The following RPA3 variants were observed in gnomAD, a reference collection of about 807,000 sequenced individuals.
The protein encoded by RPA3 is replication protein A3.
RPA3 carries 24 observed loss-of-function variants against 13.7 expected under a neutral mutation model. The observed-to-expected ratio is 1.75, with a 90% confidence interval of 1.27 to 2.46. RPA3 has a LOEUF of 2.46. Ranked by LOEUF, RPA3 falls within the 30% of genes most tolerant of loss-of-function variation. The pLI is 0.00. For missense variants in RPA3, 183 were observed against 151.0 expected (o/e 1.21, Z -1.11); for synonymous variants, 59 against 51.2 (o/e 1.15, Z -0.65).
chr7:7,710,412 A>G (rs1015301060), intron 2 of RPA3, among the ~76,000 whole-genome samples: 2 of 152,234 alleles, frequency 1.3e-5, no homozygotes, highest in Non-Finnish European at 2.9e-5. Context: ...GGCAAAAGAC[A>G]TGAAGAGACA....
intron 2 of RPA3, among the ~76,000 whole-genome samples, chr7:7,700,526 A>T (rs1446089041): frequency 6.6e-6 from 1 of 152,088 alleles, no homozygotes. Flanking sequence ...TAAGTTCTAG[A>T]CCATACTGGG....
chr7:7,694,221 T>C (rs28912710), intron 2 of RPA3, among the ~76,000 whole-genome samples: 11 of 152,176 alleles, frequency 7.2e-5, no homozygotes. Flanking sequence ...CTTGTACTTA[T>C]TGGTAACTTT....
At chr7:7,701,187 G>A (rs980438104) in intron 2 of RPA3, among the ~76,000 whole-genome samples, 2 of 152,164 alleles carry the variant, frequency 1.3e-5, no homozygotes, top group Admixed American at 1.3e-4. Context: ...GAGGAGGAAT[G>A]GAATCTATCA....
rs532938339 is a variant in RPA3 at position 7,711,441 on chromosome 7, C to T, written c.-1028+3734G>A. 2.6e-5 allele frequency among the ~76,000 whole-genome samples: 4 copies of T among 152,218 alleles called. No individual in the cohort carries two copies. In the East Asian group the frequency reaches 5.8e-4, roughly 22 times the overall value. On this transcript the variant is annotated intron_variant, in intron 2 of 7. Transcript: ENST00000223129. ...CCCAAGTGGTATATGAAAATTCTATCCTTTTCATATTATACTCTATCCTTT... is the reference window on the plus strand; with the variant it reads ...CCCAAGTGGTATATGAAAATTCTATTCTTTTCATATTATACTCTATCCTTT...
intron 5 of RPA3, among the ~76,000 whole-genome samples, chr7:7,639,545 G>C (rs947622793): frequency 1.3e-5 from 2 of 152,182 alleles, no homozygotes; most frequent in African/African-American, 2.4e-5. Flanking sequence ...CTGGTTGCTA[G>C]AATATCTGGG....
chr7:7,659,684 G>A (rs1297497405), intron 4 of RPA3, among the ~76,000 whole-genome samples: 4 of 152,028 alleles, frequency 2.6e-5, no homozygotes, highest in Non-Finnish European at 5.9e-5. Flanking sequence ...TATGATTTCC[G>A]TTCTTTTGCA....
intron 4 of RPA3, among the ~76,000 whole-genome samples, chr7:7,682,722 C>T (rs953285533): frequency 6.6e-6 from 1 of 152,192 alleles, no homozygotes; most frequent in African/African-American, 2.4e-5. Flanking sequence ...TACCCTATCG[C>T]TGTCTCCTTA....
At chr7:7,670,635 T>A (rs959235971) in intron 4 of RPA3, among the ~76,000 whole-genome samples, 2 of 152,222 alleles carry the variant, frequency 1.3e-5, no homozygotes, top group African/African-American at 4.8e-5. Context: ...CAAAGTTCAG[T>A]GCCTCTGGCT....
intron 4 of RPA3, among the ~76,000 whole-genome samples, chr7:7,662,089 C>T (rs988725629): frequency 3.9e-5 from 6 of 152,156 alleles, no homozygotes; most frequent in Non-Finnish European, 7.3e-5. Context: ...GGATCTTTCC[C>T]GGCATCTTTG....
chr7:7,688,627 T>G (rs1780095481), intron 2 of RPA3, among the ~76,000 whole-genome samples: 1 of 152,178 alleles, frequency 6.6e-6, no homozygotes, highest in African/African-American at 2.4e-5. Context: ...GTTGTAAATC[T>G]TCTATCATTT....
intron 4 of RPA3, among the ~76,000 whole-genome samples, chr7:7,674,140 TG>T (rs1779681359): frequency 6.6e-6 from 1 of 152,210 alleles, no homozygotes; most frequent in African/African-American, 2.4e-5. Context: ...AGTGTTTCCT[TG>T]TGGTTCTCAT....
intron 2 of RPA3, among the ~76,000 whole-genome samples, chr7:7,699,467 A>G (rs1196176266): frequency 6.6e-6 from 1 of 152,020 alleles, no homozygotes; most frequent in Non-Finnish European, 1.5e-5. Context: ...GAAAATCATT[A>G]AGCTGTTTAA....
intron 2 of RPA3, among the ~76,000 whole-genome samples, chr7:7,696,109 G>A (rs960875282): frequency 2.7e-5 from 4 of 150,650 alleles, no homozygotes; most frequent in African/African-American, 7.3e-5. Flanking sequence ...GGGTTCAAGC[G>A]ATCCTCCCAT....
chr7:7,656,573 T>A (rs1785349228), intron 4 of RPA3, among the ~76,000 whole-genome samples: 1 of 152,146 alleles, frequency 6.6e-6, no homozygotes, highest in South Asian at 2.1e-4. Context: ...GGTGTTTGGT[T>A]TTCTGTTCTT....
At chr7:7,673,737 T>TAA (rs1779672631) in intron 4 of RPA3, among the ~76,000 whole-genome samples, 1 of 151,634 alleles carries the variant, frequency 6.6e-6, no homozygotes, top group Non-Finnish European at 1.5e-5. Flanking sequence ...GTGGAAAATC[T>TAA]AAAGTCTTCA....
intron 2 of RPA3, among the ~76,000 whole-genome samples, chr7:7,691,898 G>T (rs1780180751): frequency 1.3e-5 from 2 of 152,146 alleles, no homozygotes; most frequent in South Asian, 4.1e-4. Context: ...GCTCAGTTTA[G>T]CCTTGACTAA....
Position 7,676,905 on chromosome 7 carries a change from A to G in RPA3, c.-758+8925T>C, listed in dbSNP as rs1779755303. ...TATCAGGTAAACTCTTTTTTAAAAA[A>G]TTGATTTGCTCTGCTAGGTTTCTCT... On this transcript the variant is annotated intron_variant, in intron 4 of 7. Transcript: ENST00000223129. 2.6e-5 allele frequency among the ~76,000 whole-genome samples: 4 copies of G among 152,092 alleles called. 1 individual carries two copies. Among genetic ancestry groups the G allele is most frequent in the South Asian group, 4.1e-4 (2 of 4,832 alleles).
intron 5 of RPA3, among the ~76,000 whole-genome samples, chr7:7,639,477 G>A (rs1399766707): frequency 1.3e-5 from 2 of 152,170 alleles, no homozygotes; most frequent in African/African-American, 4.8e-5. Context: ...GATTTAGACA[G>A]TACATATCCC....
chr7:7,670,717 C>A (rs1779585559), intron 4 of RPA3, among the ~76,000 whole-genome samples: 1 of 152,200 alleles, frequency 6.6e-6, no homozygotes, highest in Non-Finnish European at 1.5e-5. Flanking sequence ...ACTAAAAAGA[C>A]AAGTAATCTG....
Sources: gnomAD v4.1 joint callset for allele counts (sites outside exome capture counted in the v4.1 genomes callset) on GRCh38, gnomAD v4.1.1 for gene constraint, MANE v1.5 for transcripts, NCBI Gene and HGNC (gene_info 2026-07-23, HGNC 2026-07-21) for gene names.